The following ASH1L variants were observed in gnomAD, a reference collection of about 807,000 sequenced individuals.
ASH1L encodes histone-lysine N-methyltransferase ASH1L.
In ASH1L, 23 loss-of-function variants were observed where a neutral mutation model predicts 269.0. The observed-to-expected ratio is 0.09, with a 90% CI of 0.06 to 0.12. The LOEUF (loss-of-function observed/expected upper bound fraction) is 0.12. Ranked by LOEUF, ASH1L falls within the 10% of genes least tolerant of loss-of-function variation. The pLI, the probability that ASH1L is intolerant of heterozygous loss-of-function variation, is 1.00. For missense variants in ASH1L, 2,912 were observed against 3,567.8 expected (o/e 0.82, Z 4.68); for synonymous variants, 1,187 against 1,253.5 (o/e 0.95, Z 1.12).
chr1:155,460,719 G>A (rs1391928051), intron 3 of ASH1L, among the ~76,000 whole-genome samples: 3 of 152,116 alleles, frequency 2.0e-5, no homozygotes, highest in Admixed American at 6.6e-5. Flanking sequence ...AGAAAAACTG[G>A]TAATTAATTT....
At chr1:155,356,642 CA>C (rs1277769920) in intron 15 of ASH1L, among the ~76,000 whole-genome samples, 221 of 67,568 alleles carry the variant, frequency 3.3e-3, no homozygotes, top group Middle Eastern at 8.8e-3. Context: ...GACTCCGTCT[CA>C]AAAAAAAAAA....
At chr1:155,513,428 C>G (rs1226618405) in intron 2 of ASH1L, among the ~76,000 whole-genome samples, 1 of 151,516 alleles carries the variant, frequency 6.6e-6, no homozygotes, top group Admixed American at 6.6e-5. Flanking sequence ...AAAAATGAGC[C>G]AGGAGTGGTT....
intron 10 of ASH1L, among the ~76,000 whole-genome samples, chr1:155,377,954 C>T (rs992082843): frequency 6.6e-6 from 1 of 151,152 alleles, no homozygotes; most frequent in African/African-American, 2.4e-5. Context: ...ACCCGGGAGG[C>T]GGAGCTTGCA....
chr1:155,400,288 CA>C (rs1198089896), intron 6 of ASH1L, among the ~76,000 whole-genome samples: 1 of 149,506 alleles, frequency 6.7e-6, no homozygotes, highest in Non-Finnish European at 1.5e-5. Context: ...GCCGAGATCG[CA>C]TCACTGCAAT....
chr1:155,544,292 T>C (rs1480058789), intron 1 of ASH1L, among the ~76,000 whole-genome samples: 4 of 146,612 alleles, frequency 2.7e-5, no homozygotes, highest in South Asian at 2.2e-4. Context: ...GAAACCCCCT[T>C]TTTTTTTTTT....
intron 2 of ASH1L, among the ~76,000 whole-genome samples, chr1:155,505,887 G>A (rs955742078): frequency 1.3e-5 from 2 of 152,056 alleles, no homozygotes; most frequent in East Asian, 1.9e-4. Context: ...TGTGTACAAC[G>A]TGCAGGTTTG....
Position 155,482,166 on chromosome 1 carries a change from G to C in ASH1L, c.704C>G (p.Thr235Arg). The C allele has an allele frequency of 6.2e-7, 1 of 1,614,152 alleles. No individual in the cohort carries two copies. Among genetic ancestry groups the C allele is most frequent in the Non-Finnish European group, 8.5e-7 (1 of 1,180,014 alleles). Residue 235 changes from threonine to arginine, a missense_variant, in exon 3 of 28, where the codon ACA becomes AGA. Around this residue, in one of 13 missense-constraint regions of ASH1L, gnomAD observed 277 missense variants for 367.7 expected, o/e 0.75. Transcript: ENST00000392403. Reference protein sequence around the residue: ...ATCPPSKSSKTKPKKLGTGTT... With the variant: ...ATCPPSKSSKRKPKKLGTGTT... ...GCCAGTTCCTAACTTCTTCGGTTTTGTCTTGGAAGACTTGGAAGGAGGACA... is the reference window on the plus strand; with the variant it reads ...GCCAGTTCCTAACTTCTTCGGTTTTCTCTTGGAAGACTTGGAAGGAGGACA...
chr1:155,459,722 A>G, intron 4 of ASH1L, 75 bp downstream of exon 4: 1 of 1,193,486 alleles, frequency 8.4e-7, no homozygotes, highest in Non-Finnish European at 1.2e-6. Context: ...TTTTTTCTAC[A>G]ATATTGTAAC....
chr1:155,546,463 T>C (rs1164580130), intron 1 of ASH1L, among the ~76,000 whole-genome samples: 6 of 152,138 alleles, frequency 3.9e-5, no homozygotes, highest in African/African-American at 1.4e-4. Flanking sequence ...TTATTTCCAC[T>C]TTTAAGAGCA....
chr1:155,359,964 C>T (rs184429305), intron 13 of ASH1L, among the ~76,000 whole-genome samples: 18 of 151,950 alleles, frequency 1.2e-4, no homozygotes, highest in African/African-American at 3.1e-4. Flanking sequence ...CTCGGCTCAA[C>T]GTAACGCAAC....
At chr1:155,506,216 C>T (rs1667807869) in intron 2 of ASH1L, among the ~76,000 whole-genome samples, 1 of 152,068 alleles carries the variant, frequency 6.6e-6, no homozygotes, top group South Asian at 2.1e-4. Flanking sequence ...TATGTTAATA[C>T]ACTATTATTA....
chr1:155,557,253 C>T (rs2148925157), intron 1 of ASH1L, among the ~76,000 whole-genome samples: 1 of 151,864 alleles, frequency 6.6e-6, no homozygotes, highest in South Asian at 2.1e-4. Context: ...CACTAGAAGT[C>T]ATTATTTTAT....
At chr1:155,459,696 G>C (rs1260605341) in intron 4 of ASH1L, 101 bp downstream of exon 4, 3 of 882,036 alleles carry the variant, frequency 3.4e-6, no homozygotes, top group Non-Finnish European at 5.4e-6. Flanking sequence ...TACCATATAT[G>C]ATACAGTCCC....
Position 155,451,215 on chromosome 1 carries a change from G to T in ASH1L, c.5086+8582C>A, listed in dbSNP as rs555930798. 7.4e-4 allele frequency among the ~76,000 whole-genome samples: 104 copies of T among 139,944 alleles called. No individual in the cohort carries two copies. In the Middle Eastern group the frequency reaches 0.019, roughly 25 times the overall value. 91.8% of individuals were successfully genotyped at this position (139,944 alleles called of 152,430 possible). On this transcript the variant is annotated intron_variant, in intron 4 of 27. Coordinates refer to ENST00000392403, the MANE Select transcript of ASH1L (RefSeq NM_018489.3). Reference sequence around the variant, plus strand: ...TCCACCTCAAAAAAAAAAAAAAAAAGAAATAAAAATAAATAAAAAATAAAC... The same window carrying T: ...TCCACCTCAAAAAAAAAAAAAAAAATAAATAAAAATAAATAAAAAATAAAC...
chr1:155,443,725 C>T (rs1662777390), intron 4 of ASH1L, among the ~76,000 whole-genome samples: 1 of 152,304 alleles, frequency 6.6e-6, no homozygotes, highest in South Asian at 2.1e-4. Context: ...TTCATTCACA[C>T]AGCATAAATC....
intron 4 of ASH1L, among the ~76,000 whole-genome samples, chr1:155,447,403 T>C (rs1266146618): frequency 6.6e-6 from 1 of 152,214 alleles, no homozygotes; most frequent in South Asian, 2.1e-4. Context: ...CTAATTTTTA[T>C]ATTTTTGGTA....
Position 155,337,972 on chromosome 1 carries a change from G to A in ASH1L, c.8803+117C>T. 2.5e-6 allele frequency: 3 copies of A among 1,179,968 alleles called. No homozygotes were observed. In the Admixed American group the frequency reaches 7.9e-5, roughly 31 times the overall value. The allele number at this position is 1,179,968 out of a possible 1,614,324, so 73.1% of individuals were successfully genotyped here. On this transcript the variant is annotated intron_variant, in intron 27 of 27. Transcript: ENST00000392403. ...TACAACTAAAAGCAAGCCTATAAAA[G>A]AACTATACCATTTTCTTAGAATACT...
chr1:155,556,644 C>G (rs895874172), intron 1 of ASH1L, among the ~76,000 whole-genome samples: 1 of 151,920 alleles, frequency 6.6e-6, no homozygotes, highest in Non-Finnish European at 1.5e-5. Flanking sequence ...GGTTTCACCA[C>G]GTTAGCCAGG....
intron 5 of ASH1L, chr1:155,433,295 C>T (rs1392729186): frequency 6.4e-7 from 1 of 1,572,888 alleles, no homozygotes; most frequent in African/African-American, 1.4e-5. Context: ...GCTAAGCTTC[C>T]AAGGCCCTCC....
Sources: allele counts gnomAD v4.1 joint callset (sites outside exome capture counted in the v4.1 genomes callset), GRCh38; gene constraint gnomAD v4.1.1; regional missense constraint gnomAD v4.1.1; transcripts MANE v1.5; gene names NCBI Gene and HGNC (gene_info 2026-07-23, HGNC 2026-07-21).